The following ZNF185 variants were observed in gnomAD, a reference collection of about 807,000 sequenced individuals.
ZNF185 encodes zinc finger protein 185.
In ZNF185, 56 loss-of-function variants were observed where a neutral mutation model predicts 58.6. The observed-to-expected ratio is 0.95, with a 90% CI of 0.77 to 1.19. ZNF185 has a LOEUF of 1.19. Ranked by LOEUF, ZNF185 falls within the 50% of genes most tolerant of loss-of-function variation. The pLI, the probability that ZNF185 is intolerant of heterozygous loss-of-function variation, is 0.00. For synonymous variants in ZNF185, 230 were observed against 215.9 expected, an observed-to-expected ratio of 1.07 and a Z score of -0.57; for missense variants, 627 against 573.5, an observed-to-expected ratio of 1.09 and a Z score of -0.95.
chrX:152,937,291 CAGCTTTCTCAAACT>C (rs1317380365), intron 14 of ZNF185, among the ~76,000 whole-genome samples: 1 of 111,998 alleles, frequency 8.9e-6, no homozygotes, highest in Non-Finnish European at 1.9e-5. Context: ...CTCTCTTACA[CAGCTTTCTCAAACT>C]AGCTTTCTCA....
At chrX:152,921,972 A>G (rs999933710) in intron 9 of ZNF185, among the ~76,000 whole-genome samples, 1 of 111,156 alleles carries the variant, frequency 9.0e-6, no homozygotes, top group Non-Finnish European at 1.9e-5. Context: ...AGGGGACATG[A>G]ATTTTGGGGG....
At chrX:152,932,843 A>G in intron 13 of ZNF185, 30 bp from the exon 15 acceptor site, 3 of 1,103,165 alleles carry the variant, frequency 2.7e-6, no homozygotes, top group South Asian at 1.9e-5. Context: ...ACGCAACTAG[A>G]GTCAGCAAAT....
chrX:152,939,294 T>C (rs2046855967), intron 15 of ZNF185, among the ~76,000 whole-genome samples: 1 of 111,831 alleles, frequency 8.9e-6, no homozygotes. Flanking sequence ...CACTGACAAT[T>C]AACAATCAGA....
chrX:152,933,908 G>A (rs1389220348), intron 14 of ZNF185, among the ~76,000 whole-genome samples: 2 of 112,005 alleles, frequency 1.8e-5, no homozygotes, highest in African/African-American at 6.5e-5. Context: ...ACCAGAGCCC[G>A]AATTCTAAAT....
At chrX:152,934,700 T>A (rs782008643) in intron 14 of ZNF185, among the ~76,000 whole-genome samples, 1 of 112,528 alleles carries the variant, frequency 8.9e-6, no homozygotes, top group African/African-American at 3.2e-5. Flanking sequence ...GTAAGTGGTA[T>A]GTAAATAGTT....
At chrX:152,972,291 C>G (rs1343482200) in exon 23 of ZNF185, 4 of 111,987 alleles carry the variant, frequency 3.6e-5, no homozygotes, top group Non-Finnish European at 5.6e-5. Context: ...CAAAAGCAAG[C>G]ATTGATTTTG....
chrX:152,917,268 C>G lies in ZNF185; in HGVS notation c.264-17C>G. The G allele has an allele frequency of 1.7e-6, 2 of 1,211,622 alleles. No homozygotes were observed. The highest frequency in any genetic ancestry group is 3.0e-5 in the East Asian group (1 of 33,832). On this transcript the variant is annotated splice_polypyrimidine_tract_variant and intron_variant, in intron 4 of 22. Transcript: ENST00000449285. ...CCCTCCAGGGAGCTCACCGGCATCTCCTGGGCTCTCTTTCAGGGGAGTGTT... is the reference window on the plus strand; with the variant it reads ...CCCTCCAGGGAGCTCACCGGCATCTGCTGGGCTCTCTTTCAGGGGAGTGTT...
At chrX:152,938,228 A>T (rs1330093951) in intron 15 of ZNF185, 65 bp downstream of exon 17, 2 of 1,078,912 alleles carry the variant, frequency 1.9e-6, no homozygotes, top group Non-Finnish European at 2.5e-6. Context: ...CTGTGTGTCC[A>T]TTGGCCTTTG....
chrX:152,961,311 A>C (rs1195166977), intron 17 of ZNF185, among the ~76,000 whole-genome samples: 1 of 111,947 alleles, frequency 8.9e-6, no homozygotes, highest in Admixed American at 9.5e-5. Context: ...TCAGCAAAGA[A>C]AATTTTTGCT....
At chrX:152,931,739 G>A in exon 13 of ZNF185, 1 of 1,210,550 alleles carries the variant, frequency 8.3e-7, no homozygotes, top group Non-Finnish European at 1.1e-6. Context: ...CTTGGCTGGT[G>A]AGGAGGCTTT....
At chrX:152,958,250 G>A (rs1449939377) in intron 16 of ZNF185, among the ~76,000 whole-genome samples, 2 of 111,643 alleles carry the variant, frequency 1.8e-5, no homozygotes, top group Non-Finnish European at 3.8e-5. Flanking sequence ...GGTGACAAGA[G>A]TGAGCGTAGA....
At chrX:152,937,007 G>A (rs1372578674) in intron 14 of ZNF185, among the ~76,000 whole-genome samples, 2 of 112,055 alleles carry the variant, frequency 1.8e-5, no homozygotes, top group Non-Finnish European at 3.8e-5. Context: ...TTCCCATGCT[G>A]TAAGCGTCTG....
chrX:152,937,560 C>A (rs1444224527), intron 14 of ZNF185, among the ~76,000 whole-genome samples: 1 of 112,049 alleles, frequency 8.9e-6, no homozygotes, highest in African/African-American at 3.3e-5. Flanking sequence ...CCCGCCATGT[C>A]AAGCTATGTT....
exon 23 of ZNF185, chrX:152,971,372 T>TC (rs1252888319): frequency 9.0e-6 from 1 of 111,021 alleles, no homozygotes; most frequent in Non-Finnish European, 1.9e-5. Flanking sequence ...TTCCCTCACC[T>TC]CCTCCCTCCC....
At chrX:152,918,993 A>G (rs782533122) in exon 7 of ZNF185, 2 of 1,209,654 alleles carry the variant, frequency 1.7e-6, no homozygotes, top group Admixed American at 4.4e-5. Context: ...GGCACCCTAC[A>G]ATATCAGGCG....
At chrX:152,919,078 G>A (rs1556868156) in exon 7 of ZNF185, 7 of 1,202,515 alleles carry the variant, frequency 5.8e-6, no homozygotes, top group East Asian at 5.9e-5. Flanking sequence ...GAACAGAAAC[G>A]GAGGTAATGG....
intron 15 of ZNF185, among the ~76,000 whole-genome samples, chrX:152,940,396 C>T (rs782259780): frequency 1.1e-4 from 9 of 78,446 alleles, no homozygotes; most frequent in African/African-American, 3.9e-4. Flanking sequence ...CCAGAAAGGC[C>T]GGACACCTCA....
At chrX:152,957,754 C>T (rs781882945) in intron 16 of ZNF185, among the ~76,000 whole-genome samples, 3 of 112,701 alleles carry the variant, frequency 2.7e-5, no homozygotes, top group Non-Finnish European at 3.7e-5. Flanking sequence ...TCCTAAGGTA[C>T]CCCTCGACAC....
intron 15 of ZNF185, among the ~76,000 whole-genome samples, chrX:152,943,452 C>T (rs1422222518): frequency 1.8e-5 from 2 of 112,346 alleles, no homozygotes; most frequent in African/African-American, 6.5e-5. Context: ...CCGTTGGTCA[C>T]CATCCCCTAT....
Sources: gnomAD v4.1 joint callset for allele counts (sites outside exome capture counted in the v4.1 genomes callset) on GRCh38, gnomAD v4.1.1 for gene constraint, MANE v1.5 for transcripts, NCBI Gene and HGNC (gene_info 2026-07-23, HGNC 2026-07-21) for gene names.